Variants in MYL3 observed in about 807,000 individuals in gnomAD.
MYL3 encodes the protein CMLC1.
Under a neutral mutation model 21.3 loss-of-function variants are expected in MYL3, and 11 were observed. The observed-to-expected ratio is 0.52, with a 90% confidence interval of 0.32 to 0.85. The LOEUF (loss-of-function observed/expected upper bound fraction) is 0.85, where lower values mean the gene tolerates loss of function less well. MYL3 is among the 40% of genes least tolerant of loss of function. The pLI is 0.03. For synonymous variants in MYL3, 88 were observed against 91.6 expected (o/e 0.96, Z 0.22); for missense variants, 206 against 253.3 (o/e 0.81, Z 1.27).
In MYL3 at chr3:46,874,329, C is replaced by A. The variant is rs956525905; in HGVS notation, c.-217-7729G>T. Among the ~76,000 whole-genome samples, 1 of 152,168 alleles carries A rather than the reference C, an allele frequency of 6.6e-6. No individual in the cohort carries two copies. The highest frequency in any genetic ancestry group is 2.4e-5 in the African/African-American group (1 of 41,440). Reference sequence around the variant, plus strand: ...TTGCCCCAGCCAGTGTCCCCTGAGGCATTTAGAGTGAGAGGAAACTGAGGC... The same window carrying A: ...TTGCCCCAGCCAGTGTCCCCTGAGGAATTTAGAGTGAGAGGAAACTGAGGC... On this transcript the variant is annotated intron_variant, in intron 1 of 3. Transcript: ENST00000431168. This position sits in a 1 kb window ranked among gnomAD's most constrained non-coding sequence, Gnocchi z 4.1.
chr3:46,871,511 C>G (rs1179947198), intron 1 of MYL3, among the ~76,000 whole-genome samples: 1 of 152,040 alleles, frequency 6.6e-6, no homozygotes, highest in Non-Finnish European at 1.5e-5. Context: ...CGACCCATTC[C>G]TTTCCCAGAT....
rs1185885033 is a variant in MYL3 at position 46,859,683 on chromosome 3, G to C, written c.308-35C>G. 2 of 1,612,642 alleles carry C rather than the reference G, an allele frequency of 1.2e-6. No homozygotes were observed. The highest frequency in any genetic ancestry group is 2.7e-5 in the African/African-American group (2 of 74,898). On this transcript the variant is annotated intron_variant, in intron 3 of 6. Coordinates refer to ENST00000292327, the MANE Select transcript of MYL3 (RefSeq NM_000258.3). The surrounding 1 kb of genome is among the most constrained non-coding windows in gnomAD (Gnocchi z 4.1). ...AATGGTCCCAGGTTCCAGGGTCTAA[G>C]GCTGGGGTGGGCACACCCCTCCCCC...
At chr3:46,866,774 G>A (rs1702051335), upstream of MYL3, among the ~76,000 whole-genome samples, 6 of 152,136 alleles carry the variant, frequency 3.9e-5, no homozygotes, top group Admixed American at 3.9e-4. Flanking sequence ...GGTGCAGAGG[G>A]CACTCTGGGA....
intron 1 of MYL3, among the ~76,000 whole-genome samples, chr3:46,877,034 T>C (rs2030258966): frequency 6.6e-6 from 1 of 152,056 alleles, no homozygotes; most frequent in Admixed American, 6.5e-5. Context: ...TTGAGACCTG[T>C]GACAGCTTAA....
rs1239221232 is a variant in MYL3, at chr3:46,860,894, C to T, written c.157+66G>A. Reference sequence around the variant, plus strand: ...CCTACCCCACTCCCCACACCCCTGGCAGGACCCTCAGACCAGGGAACCCCA... The same window carrying T: ...CCTACCCCACTCCCCACACCCCTGGTAGGACCCTCAGACCAGGGAACCCCA... On this transcript the variant is annotated intron_variant, in intron 2 of 6. Transcript: ENST00000292327. The surrounding 1 kb of genome is among the most constrained non-coding windows in gnomAD (Gnocchi z 4.6). The T allele has an allele frequency of 1.9e-6, 3 of 1,613,912 alleles. No individual in the cohort carries two copies. Among genetic ancestry groups the T allele is most frequent in the Non-Finnish European group, 2.5e-6 (3 of 1,179,920 alleles).
upstream of MYL3, chr3:46,866,368 G>C (rs1009722965): frequency 1.0e-4 from 16 of 152,416 alleles, no homozygotes; most frequent in African/African-American, 3.8e-4. Context: ...ATGTCCCAGA[G>C]CCCTCTCAGG....
intron 1 of MYL3, among the ~76,000 whole-genome samples, chr3:46,870,291 G>T (rs1702096763): frequency 6.6e-6 from 1 of 152,154 alleles, no homozygotes; most frequent in African/African-American, 2.4e-5. Context: ...AGGAGAGAGG[G>T]TGGGCATGGG....
intron 1 of MYL3, among the ~76,000 whole-genome samples, chr3:46,862,343 A>C (rs1454059184): frequency 6.6e-6 from 1 of 152,254 alleles, no homozygotes; most frequent in Non-Finnish European, 1.5e-5. Flanking sequence ...GCCTCAGAGC[A>C]GCGAAGAACT....
chr3:46,864,825 C>T (rs1702032244), upstream of MYL3, among the ~76,000 whole-genome samples: 1 of 152,228 alleles, frequency 6.6e-6, no homozygotes. The surrounding 1 kb of genome is among the most constrained non-coding windows in gnomAD (Gnocchi z 4.7). Context: ...TGACAGAGTA[C>T]AGCCTGACGG....
At chr3:46,873,962 G>A (rs1321248464) in intron 1 of MYL3, among the ~76,000 whole-genome samples, 2 of 152,100 alleles carry the variant, frequency 1.3e-5, no homozygotes, top group Admixed American at 6.5e-5. Flanking sequence ...GCCACCTCCC[G>A]TTAAGCCCAG....
chr3:46,867,046 G>A (rs956916307), upstream of MYL3, among the ~76,000 whole-genome samples: 22 of 151,890 alleles, frequency 1.4e-4, no homozygotes, highest in African/African-American at 5.1e-4. Context: ...CCAGACTCAG[G>A]TCTCACAATT....
At chr3:46,877,850 G>A (rs1327920422) in intron 1 of MYL3, 1 of 152,300 alleles carries the variant, frequency 6.6e-6, no homozygotes, top group Non-Finnish European at 1.5e-5. Flanking sequence ...GCAGGTGAGT[G>A]GGGGCCAGGG....
rs898530133 is a variant in MYL3, at chr3:46,879,061, C to T, written c.-218+3013G>A. ...TACCAGTTAATGTGTGACACCCCCA[C>T]CCTCATGGTAGCACTTTAACCAGAG... On this transcript the variant is annotated intron_variant, in intron 1 of 3. Transcript: ENST00000431168. The surrounding 1 kb of genome is among the most constrained non-coding windows in gnomAD (Gnocchi z 4.7). 6.6e-6 allele frequency among the ~76,000 whole-genome samples: 1 copy of T among 152,226 alleles called. No homozygotes were observed. Among genetic ancestry groups the T allele is most frequent in the Non-Finnish European group, 1.5e-5 (1 of 68,046 alleles).
At chr3:46,875,534 C>T (rs963922663) in intron 1 of MYL3, among the ~76,000 whole-genome samples, 1 of 152,238 alleles carries the variant, frequency 6.6e-6, no homozygotes, top group African/African-American at 2.4e-5. Flanking sequence ...AGACACCCTT[C>T]TGGGGCCTGA....
chr3:46,876,614 T>C (rs1478062690), intron 1 of MYL3, among the ~76,000 whole-genome samples: 1 of 151,980 alleles, frequency 6.6e-6, no homozygotes, highest in African/African-American at 2.4e-5. Flanking sequence ...AAACAAAAAG[T>C]ACTTTGGAAA....
At chr3:46,864,605 C>T (rs1334772646), upstream of MYL3, among the ~76,000 whole-genome samples, 3 of 152,182 alleles carry the variant, frequency 2.0e-5, no homozygotes, top group African/African-American at 7.2e-5. The surrounding 1 kb of genome is among the most constrained non-coding windows in gnomAD (Gnocchi z 4.7). Context: ...AATGCTATTC[C>T]ACTGCCACAT....
At chr3:46,870,192 C>T (rs2106922249) in intron 1 of MYL3, among the ~76,000 whole-genome samples, 1 of 152,208 alleles carries the variant, frequency 6.6e-6, no homozygotes, top group Non-Finnish European at 1.5e-5. Flanking sequence ...CCCCGGCTCC[C>T]AGCCAGCATA....
At chr3:46,873,608 C>T (rs2030026418) in intron 1 of MYL3, among the ~76,000 whole-genome samples, 1 of 152,172 alleles carries the variant, frequency 6.6e-6, no homozygotes, top group Admixed American at 6.5e-5. Flanking sequence ...CAGCTCTGCT[C>T]GTTGGGCCAA....
Position 46,858,096 on chromosome 3 carries a change from G to C in MYL3, c.*19C>G, listed in dbSNP as rs1476786713. 1.5e-5 allele frequency: 16 copies of C among 1,044,468 alleles called. No homozygotes were observed. The highest frequency in any genetic ancestry group is 2.2e-5 in the Non-Finnish European group (15 of 678,782). 64.7% of individuals were successfully genotyped at this position (1,044,468 alleles called of 1,614,324 possible). A position where few individuals can be genotyped will look rare whatever the true frequency, so the allele number is the denominator to read the frequency against. ...AGACGTCCCTGCACAGCCTTCCCTGGGCTTCCTGAGAGCAAAGGCAGTGCA... is the reference window on the plus strand; with the variant it reads ...AGACGTCCCTGCACAGCCTTCCCTGCGCTTCCTGAGAGCAAAGGCAGTGCA... On this transcript the variant is annotated 3_prime_UTR_variant, in exon 7 of 7. Coordinates refer to ENST00000292327, the MANE Select transcript of MYL3 (RefSeq NM_000258.3).
Sources: allele counts gnomAD v4.1 joint callset (sites outside exome capture counted in the v4.1 genomes callset), GRCh38; gene constraint gnomAD v4.1.1; non-coding constraint Gnocchi (gnomAD v3.1); transcripts MANE v1.5; gene names NCBI Gene and HGNC (gene_info 2026-07-23, HGNC 2026-07-21).